Variants in ATP8B4 observed in about 807,000 individuals in gnomAD.
The protein encoded by ATP8B4 is ATPase phospholipid transporting 8B4 (putative).
ATP8B4 carries 133 observed loss-of-function variants against 145.6 expected under a neutral mutation model. The observed-to-expected ratio is 0.91, with a 90% confidence interval of 0.79 to 1.05. The LOEUF is 1.05. Ranked by LOEUF, ATP8B4 falls within the 50% of genes least tolerant of loss-of-function variation. The pLI is 0.00. For synonymous variants in ATP8B4, 507 were observed against 492.9 expected (o/e 1.03, Z -0.38); for missense variants, 1,458 against 1,425.2 (o/e 1.02, Z -0.37).
At chr15:50,180,351 C>T (rs762483083) in intron 1 of ATP8B4, among the ~76,000 whole-genome samples, 1 of 152,180 alleles carries the variant, frequency 6.6e-6, no homozygotes, top group Non-Finnish European at 1.5e-5. Context: ...GAAAGCAAAA[C>T]TAGATCCAGG....
chr15:50,034,213 G>A (rs1485156207), intron 6 of ATP8B4, among the ~76,000 whole-genome samples: 1 of 148,860 alleles, frequency 6.7e-6, no homozygotes, highest in Admixed American at 6.8e-5. Context: ...TGGATTAAAT[G>A]GAATTCCTTT....
intron 14 of ATP8B4, among the ~76,000 whole-genome samples, chr15:49,961,006 G>A (rs984024693): frequency 1.3e-4 from 20 of 152,130 alleles, no homozygotes; most frequent in African/African-American, 3.9e-4. Flanking sequence ...GGTGGCGGGC[G>A]CCTGTAGTCC....
intron 14 of ATP8B4, among the ~76,000 whole-genome samples, chr15:49,950,795 G>T (rs1484689925): frequency 6.6e-6 from 1 of 151,996 alleles, no homozygotes; most frequent in African/African-American, 2.4e-5. Flanking sequence ...TAATGTTAGG[G>T]TGTTGATTTG....
At chr15:50,041,073 T>C (rs1380562805) in intron 5 of ATP8B4, among the ~76,000 whole-genome samples, 3 of 152,208 alleles carry the variant, frequency 2.0e-5, no homozygotes, top group Non-Finnish European at 4.4e-5. Flanking sequence ...TAAGGTGTCT[T>C]TCTCCAAAGC....
intron 1 of ATP8B4, among the ~76,000 whole-genome samples, chr15:50,128,409 G>A (rs1397986096): frequency 1.3e-5 from 2 of 152,246 alleles, no homozygotes; most frequent in African/African-American, 4.8e-5. Flanking sequence ...AAAGGTGGCT[G>A]CAGATGCTTG....
intron 1 of ATP8B4, among the ~76,000 whole-genome samples, chr15:50,152,979 T>G (rs2044365852): frequency 6.6e-6 from 1 of 152,170 alleles, no homozygotes; most frequent in Non-Finnish European, 1.5e-5. Context: ...TCAAAACTGA[T>G]GAAAAGGACA....
intron 4 of ATP8B4, among the ~76,000 whole-genome samples, chr15:50,045,304 A>T (rs573063545): frequency 1.3e-5 from 2 of 152,252 alleles, no homozygotes; most frequent in South Asian, 4.1e-4. Flanking sequence ...ATAAATGAAG[A>T]ATCTAACAGG....
intron 3 of ATP8B4, 152 bp from the exon 4 acceptor site, chr15:50,047,616 C>T: frequency 1.6e-6 from 1 of 622,190 alleles, no homozygotes; most frequent in South Asian, 1.8e-5. Flanking sequence ...CTTCATTTTT[C>T]CCAAGATGAT....
At chr15:50,099,600 ATTTGTC>A (rs1192039811) in intron 2 of ATP8B4, among the ~76,000 whole-genome samples, 1 of 152,212 alleles carries the variant, frequency 6.6e-6, no homozygotes, top group Non-Finnish European at 1.5e-5. Context: ...CTTCAAAACA[ATTTGTC>A]TTTGGGCCTC....
chr15:49,931,224 G>A lies in ATP8B4; in HGVS notation c.1537C>T (p.Arg513Trp), dbSNP rs376253325. The change falls in exon 16 of 28, where the codon CGG (arginine) becomes TGG (tryptophan). Residue 513 changes from arginine to tryptophan, a missense_variant. Transcript: ENST00000284509. ...ARNFGFIFKS[R>W]TPETITIEEL... ...TCTATTGTTATGGTCTCTGGGGTCCGGGATTTAAAAATGAACCCAAAATTT... is the reference window on the plus strand; with the variant it reads ...TCTATTGTTATGGTCTCTGGGGTCCAGGATTTAAAAATGAACCCAAAATTT... 30 of 1,612,464 alleles carry A rather than the reference G, an allele frequency of 1.9e-5. No homozygotes were observed. Among genetic ancestry groups the A allele is most frequent in the Admixed American group, 5.0e-5 (3 of 59,824 alleles).
chr15:50,020,504 T>C (rs1405589695), intron 6 of ATP8B4, among the ~76,000 whole-genome samples: 1 of 152,142 alleles, frequency 6.6e-6, no homozygotes. Flanking sequence ...ACTCCTGACC[T>C]CAGGTGATCT....
chr15:50,077,906 A>T (rs1027791711), intron 2 of ATP8B4, among the ~76,000 whole-genome samples: 1 of 152,138 alleles, frequency 6.6e-6, no homozygotes, highest in Non-Finnish European at 1.5e-5. Flanking sequence ...ACTAACACAC[A>T]CAGAAAAGCC....
intron 3 of ATP8B4, among the ~76,000 whole-genome samples, chr15:50,070,834 A>G (rs2053682242): frequency 6.6e-6 from 1 of 152,072 alleles, no homozygotes; most frequent in Non-Finnish European, 1.5e-5. Context: ...TCCGCCTTCC[A>G]GGTTCAAGCA....
At chr15:50,170,657 A>G (rs966398843) in intron 1 of ATP8B4, among the ~76,000 whole-genome samples, 2 of 151,674 alleles carry the variant, frequency 1.3e-5, no homozygotes, top group African/African-American at 4.8e-5. Context: ...AAAAAAAAAC[A>G]AAGTACACAG....
chr15:49,903,336 C>T (rs576699087), intron 20 of ATP8B4, among the ~76,000 whole-genome samples: 83 of 152,290 alleles, frequency 5.5e-4, no homozygotes, highest in Non-Finnish European at 1.1e-3. Context: ...CCACATAATA[C>T]AAATAACAAA....
intron 25 of ATP8B4, among the ~76,000 whole-genome samples, chr15:49,874,391 G>A (rs1171683849): frequency 6.6e-6 from 1 of 152,180 alleles, no homozygotes; most frequent in Non-Finnish European, 1.5e-5. Flanking sequence ...CATAAGGCAA[G>A]CAAGAGACTG....
chr15:49,891,944 T>C (rs1304444965), intron 23 of ATP8B4, among the ~76,000 whole-genome samples: 1 of 151,848 alleles, frequency 6.6e-6, no homozygotes, highest in African/African-American at 2.4e-5. Flanking sequence ...TGAAACCCTG[T>C]CTCTACTAAA....
chr15:50,136,726 T>C (rs1329903840), intron 1 of ATP8B4, among the ~76,000 whole-genome samples: 3 of 152,140 alleles, frequency 2.0e-5, no homozygotes, highest in Non-Finnish European at 4.4e-5. Flanking sequence ...ATGGTGAGCG[T>C]GGGGCTCTGG....
At chr15:49,926,399 C>A (rs1264921499) in intron 16 of ATP8B4, among the ~76,000 whole-genome samples, 1 of 152,136 alleles carries the variant, frequency 6.6e-6, no homozygotes, top group Non-Finnish European at 1.5e-5. Flanking sequence ...TCTCTTGCCA[C>A]TTCTCTCTTG....
Sources: gnomAD v4.1 joint callset for allele counts (sites outside exome capture counted in the v4.1 genomes callset) on GRCh38, gnomAD v4.1.1 for gene constraint, MANE v1.5 for transcripts, NCBI Gene and HGNC (gene_info 2026-07-23, HGNC 2026-07-21) for gene names.